Variants in LINGO1 observed in about 807,000 individuals in gnomAD.
LINGO1 encodes leucine rich repeat and Ig domain containing 1.
LINGO1 carries 11 observed loss-of-function variants against 37.3 expected under a neutral mutation model. The observed-to-expected ratio is 0.29, with a 90% CI of 0.19 to 0.49. The LOEUF (loss-of-function observed/expected upper bound fraction) is 0.49, where lower values mean the gene tolerates loss of function less well. Among genes scored for constraint, LINGO1 ranks in the 20% least tolerant of loss-of-function variants. The pLI is 0.99. For synonymous variants in LINGO1, 387 were observed against 403.0 expected, an observed-to-expected ratio of 0.96 and a Z score of 0.48; for missense variants, 585 against 878.2, an observed-to-expected ratio of 0.67 and a Z score of 4.22.
At chr15:77,698,936 G>A (rs1020632494), upstream of LINGO1, among the ~76,000 whole-genome samples, 14 of 152,280 alleles carry the variant, frequency 9.2e-5, no homozygotes, top group African/African-American at 1.7e-4. Context: ...TGGGTGCCCC[G>A]TGCAGTGGCC....
intron 1 of LINGO1, among the ~76,000 whole-genome samples, chr15:77,816,640 C>T (rs1439754979): frequency 3.3e-5 from 5 of 152,100 alleles, no homozygotes; most frequent in Non-Finnish European, 2.9e-5. Context: ...TGGCTGTTTT[C>T]CTAAAGGGAG....
In LINGO1 at chr15:77,693,960, G is replaced by T. The variant is rs536563822; in HGVS notation, c.-281+2431C>A. ...TTGGCATGTGTGTGTCCAGAGAGCA[G>T]AGCTAGGCCTAAGGAGAAAAGATTC... On this transcript the variant is annotated intron_variant, in intron 1 of 3. Transcript: ENST00000559893. 5.3e-5 allele frequency among the ~76,000 whole-genome samples: 8 copies of T among 152,292 alleles called. No homozygotes were observed. The South Asian group carries it at 1.7e-3, about 32-fold the overall frequency.
At chr15:77,766,151 A>T (rs984420576) in intron 1 of LINGO1, among the ~76,000 whole-genome samples, 12 of 152,168 alleles carry the variant, frequency 7.9e-5, no homozygotes, top group Admixed American at 7.2e-4. Flanking sequence ...TGGCTGGGTC[A>T]GCCAGGCATG....
chr15:77,693,040 A>C (rs1399467545), intron 1 of LINGO1, among the ~76,000 whole-genome samples: 1 of 152,228 alleles, frequency 6.6e-6, no homozygotes, highest in Non-Finnish European at 1.5e-5. Context: ...TTAAAAGGGC[A>C]GGTGATTCCC....
At chr15:77,717,040 G>A (rs1468025561) in intron 2 of LINGO1, among the ~76,000 whole-genome samples, 5 of 146,916 alleles carry the variant, frequency 3.4e-5, no homozygotes, top group Non-Finnish European at 4.5e-5. Flanking sequence ...CCCAGGAGGA[G>A]AGGAGATGAG....
chr15:77,614,272 G>T lies in LINGO1; in HGVS notation c.1635C>A (p.Arg545=), dbSNP rs369774840. Residue 545 remains arginine, a synonymous_variant, in exon 2 of 2, where the codon CGC becomes CGA. Transcript: ENST00000355300. ...QPGEGEANST[R]ATVPFPFDIK... is the part of the protein sequence containing the mutation. ...TGTCGAAGGGGAAAGGCACAGTGGC[G>T]CGGGTGCTGTTGGCCTCTCCCTCGC... 8 of 1,613,948 alleles carry T rather than the reference G, an allele frequency of 5.0e-6. No individual in the cohort carries two copies. Among genetic ancestry groups the T allele is most frequent in the Non-Finnish European group, 6.8e-6 (8 of 1,179,912 alleles).
At chr15:77,733,681 T>G (rs1247269643) in intron 2 of LINGO1, among the ~76,000 whole-genome samples, 2 of 152,214 alleles carry the variant, frequency 1.3e-5, no homozygotes, top group African/African-American at 2.4e-5. Context: ...AATTAAAGTA[T>G]GAAGATGGTT....
chr15:77,659,810 G>A (rs1008135458), intron 3 of LINGO1, among the ~76,000 whole-genome samples: 3 of 139,336 alleles, frequency 2.2e-5, no homozygotes, highest in Non-Finnish European at 3.1e-5. Context: ...GTATTACCAG[G>A]CAGCCTGACC....
chr15:77,618,039 A>G (rs1310719362), intron 1 of LINGO1, among the ~76,000 whole-genome samples: 1 of 152,230 alleles, frequency 6.6e-6, no homozygotes, highest in East Asian at 1.9e-4. Flanking sequence ...GACCCACCAG[A>G]AAAGCAAACA....
Position 77,652,921 on chromosome 15 carries a change from T to C in LINGO1, c.-13+24168A>G, listed in dbSNP as rs149013891. Among the ~76,000 whole-genome samples, 241 of 152,092 alleles carry C rather than the reference T, an allele frequency of 1.6e-3. 2 individuals are homozygous for C. The highest frequency in any genetic ancestry group is 5.5e-3 in the African/African-American group (227 of 41,480). On this transcript the variant is annotated intron_variant, in intron 3 of 3. Coordinates refer to the LINGO1 transcript ENST00000559893. ...CTGTGAGCTATTGCCGGGGAGTGCA[T>C]GGTTTGACCCTCAGGGCCCAGCCCA...
intron 2 of LINGO1, among the ~76,000 whole-genome samples, chr15:77,733,484 G>A (rs969913469): frequency 6.6e-5 from 10 of 152,282 alleles, no homozygotes; most frequent in Middle Eastern, 3.4e-3. Context: ...GGCCAAGGGC[G>A]TGGCCTCCAA....
intron 1 of LINGO1, among the ~76,000 whole-genome samples, chr15:77,778,366 A>G (rs1449636788): frequency 6.6e-6 from 1 of 152,318 alleles, no homozygotes; most frequent in South Asian, 2.1e-4. Flanking sequence ...CGTAAGGTAG[A>G]TTTCACAGGT....
At chr15:77,780,556 G>A (rs1054229870) in intron 1 of LINGO1, among the ~76,000 whole-genome samples, 4 of 152,120 alleles carry the variant, frequency 2.6e-5, no homozygotes, top group Admixed American at 1.3e-4. Flanking sequence ...ATGCCAGCCT[G>A]TGTGGATGCA....
At chr15:77,706,060 G>C (rs1303807257) in intron 2 of LINGO1, among the ~76,000 whole-genome samples, 2 of 152,120 alleles carry the variant, frequency 1.3e-5, no homozygotes, top group Non-Finnish European at 2.9e-5. Flanking sequence ...TGTAAGATGG[G>C]GATAATAACA....
chr15:77,744,634 A>C (rs1349441622), intron 1 of LINGO1, among the ~76,000 whole-genome samples: 6 of 152,264 alleles, frequency 3.9e-5, no homozygotes, highest in African/African-American at 1.4e-4. Context: ...AAACTCATCT[A>C]ATCAACACGA....
upstream of LINGO1, chr15:77,634,275 CCTT>C (rs1567474615): frequency 2.2e-6 from 1 of 456,122 alleles, no homozygotes; most frequent in Admixed American, 2.3e-5. Context: ...CTTGCACAGA[CCTT>C]CTGTTCCAGC....
chr15:77,699,679 T>TCC (rs1424265454), upstream of LINGO1, among the ~76,000 whole-genome samples: 2 of 1,920 alleles, frequency 1.0e-3, no homozygotes, highest in African/African-American at 1.5e-3. Context: ...CTAACCATCA[T>TCC]CTGCACACAG....
intron 3 of LINGO1, among the ~76,000 whole-genome samples, chr15:77,669,425 A>G (rs993839313): frequency 2.0e-5 from 3 of 152,134 alleles, no homozygotes; most frequent in Non-Finnish European, 4.4e-5. Context: ...TCGCTAGCCC[A>G]TCGAGGTGTT....
rs1314014668 is a variant in LINGO1 at position 77,615,263 on chromosome 15, T to C, written c.644A>G (p.His215Arg). 3 of 1,613,692 alleles carry C rather than the reference T, an allele frequency of 1.9e-6. No individual in the cohort carries two copies. Among genetic ancestry groups the C allele is most frequent in the African/African-American group, 1.3e-5 (1 of 74,912 alleles). Residue 215 changes from histidine to arginine, a missense_variant, in exon 2 of 2, where the codon CAC becomes CGC. His to Arg is a conservative substitution (Grantham distance 29). Transcript: ENST00000355300. ...CCGGAGCCTCAGGACGATGAGGCCG[T>C]GCAGGTGGGACAGCGCCTCGGTGGG... ...SIPTEALSHL[H>R]GLIVLRLRHL...
Sources: gnomAD v4.1 joint callset for allele counts (sites outside exome capture counted in the v4.1 genomes callset) on GRCh38, gnomAD v4.1.1 for gene constraint, MANE v1.5 for transcripts, NCBI Gene and HGNC (gene_info 2026-07-23, HGNC 2026-07-21) for gene names.